NRXN1: variants seen among roughly 807,000 people sequenced by gnomAD.
The protein encoded by NRXN1 is neurexin-1.
NRXN1 carries 39 observed loss-of-function variants against 150.9 expected under a neutral mutation model. That is an observed-to-expected ratio of 0.26 (90% CI 0.20 to 0.34). The LOEUF is 0.34. Ranked by LOEUF, NRXN1 falls within the 10% of genes least tolerant of loss-of-function variation. The pLI is 1.00. For missense variants in NRXN1, 1,815 were observed against 1,949.9 expected, an observed-to-expected ratio of 0.93 and a Z score of 1.30; for synonymous variants, 924 against 757.0, an observed-to-expected ratio of 1.22 and a Z score of -3.62.
intron 17 of NRXN1, among the ~76,000 whole-genome samples, chr2:50,253,345 T>A (rs139355030): frequency 9.9e-5 from 15 of 152,194 alleles, no homozygotes; most frequent in Non-Finnish European, 2.1e-4. Flanking sequence ...TATAGGATCA[T>A]GTCGTCTGCA....
chr2:50,783,516 T>TTTG (rs761945943), intron 5 of NRXN1, among the ~76,000 whole-genome samples: 11 of 152,064 alleles, frequency 7.2e-5, no homozygotes, highest in Non-Finnish European at 1.5e-4. Flanking sequence ...TTCTTTTTAT[T>TTTG]TTGTCCTGGA....
At position 50,106,241 on chromosome 2, in the gene NRXN1, T is replaced by C. The variant is rs115157323; in HGVS notation, c.3547-14747A>G. Among the ~76,000 whole-genome samples the C allele has an allele frequency of 2.7e-3, 408 of 152,054 alleles. 2 individuals are homozygous for C. The highest frequency in any genetic ancestry group is 4.6e-3 in the Non-Finnish European group (309 of 67,866). The stretch of plus-strand genomic sequence containing the variant: ...TTCTTTCTCCCCAAGCTTATAAGCA[T>C]TGGTCTAGCATTTAATGATAACTTT... On this transcript the variant is annotated intron_variant, in intron 18 of 22. Coordinates refer to ENST00000401669, the MANE Select transcript of NRXN1 (RefSeq NM_001330078.2).
chr2:50,179,597 A>G (rs1303862654), intron 18 of NRXN1, among the ~76,000 whole-genome samples: 1 of 152,160 alleles, frequency 6.6e-6, no homozygotes, highest in Non-Finnish European at 1.5e-5. Flanking sequence ...GGAGAACAGG[A>G]GCTTTTGTGA....
At chr2:50,578,134 T>C (rs1301089945) in intron 8 of NRXN1, among the ~76,000 whole-genome samples, 1 of 152,192 alleles carries the variant, frequency 6.6e-6, no homozygotes, top group Non-Finnish European at 1.5e-5. Context: ...ACAACGGCCC[T>C]GAAAATCTTC....
intron 17 of NRXN1, among the ~76,000 whole-genome samples, chr2:50,373,431 G>T (rs1007818893): frequency 1.3e-5 from 2 of 149,524 alleles, no homozygotes; most frequent in African/African-American, 4.9e-5. Flanking sequence ...ATCTCTAATT[G>T]AACTCTTCTG....
intron 21 of NRXN1, among the ~76,000 whole-genome samples, chr2:49,950,007 C>T (rs1008725450): frequency 1.3e-5 from 2 of 151,460 alleles, no homozygotes; most frequent in African/African-American, 4.8e-5. Flanking sequence ...AAAATTTTAA[C>T]AGGATTCAGG....
At chr2:50,790,864 G>C (rs914046423) in intron 5 of NRXN1, among the ~76,000 whole-genome samples, 1 of 152,042 alleles carries the variant, frequency 6.6e-6, no homozygotes, top group Non-Finnish European at 1.5e-5. Context: ...TATTTTGACC[G>C]CAACTCATCA....
At chr2:50,403,639 T>C (rs2082544018) in intron 17 of NRXN1, among the ~76,000 whole-genome samples, 2 of 152,250 alleles carry the variant, frequency 1.3e-5, no homozygotes, top group East Asian at 3.9e-4. Flanking sequence ...GAGACGATAA[T>C]AAGATGACTT....
chr2:50,856,157 C>T (rs1675245160), intron 5 of NRXN1, among the ~76,000 whole-genome samples: 1 of 151,828 alleles, frequency 6.6e-6, no homozygotes, highest in East Asian at 1.9e-4. Flanking sequence ...TAATAAACTT[C>T]AACCATACTT....
chr2:50,017,324 T>C (rs1378562983), intron 21 of NRXN1, among the ~76,000 whole-genome samples: 3 of 152,156 alleles, frequency 2.0e-5, no homozygotes, highest in African/African-American at 7.2e-5. Flanking sequence ...ATTGTCAAAA[T>C]ATTTTTGAAA....
At chr2:50,224,698 AGAGAG>A (rs1559125148) in intron 18 of NRXN1, among the ~76,000 whole-genome samples, 3,854 of 60,582 alleles carry the variant, frequency 0.064, 148 homozygotes, top group African/African-American at 0.21. Context: ...GGAGAAAGAG[AGAGAG>A]AGAGAGAGAG....
At chr2:50,827,781 CTTGAGAT>C (rs1670678688) in intron 5 of NRXN1, among the ~76,000 whole-genome samples, 1 of 150,856 alleles carries the variant, frequency 6.6e-6, no homozygotes, top group Non-Finnish European at 1.5e-5. Context: ...TCCCTGGGTA[CTTGAGAT>C]TAGGGAGTGG....
rs1334265978 is a variant in NRXN1, at chr2:50,936,400, C to A, written c.773-10445G>T. Among the ~76,000 whole-genome samples the A allele has an allele frequency of 2.0e-5, 3 of 152,102 alleles. No individual in the cohort carries two copies. In the East Asian group the frequency reaches 5.8e-4, roughly 29 times the overall value. ...TTATATCTTGTACTACTAGAGAAAA[C>A]ACACTTTTACATAAAATAATAAATG... is the stretch of plus-strand genomic sequence containing the variant. On this transcript the variant is annotated intron_variant, in intron 2 of 22. Coordinates refer to ENST00000401669, the MANE Select transcript of NRXN1 (RefSeq NM_001330078.2).
chr2:50,171,495 AG>A lies in NRXN1; in HGVS notation c.3546+65293del, dbSNP rs1377405436. On this transcript the variant is annotated intron_variant, in intron 18 of 22. Transcript: ENST00000401669. ...TTGGAAATATATGCGCTATCATCAA[AG>A]GATTTTGATTACAGGAGACATAGTT... 3.9e-5 allele frequency among the ~76,000 whole-genome samples: 6 copies of A among 152,240 alleles called. No individual in the cohort carries two copies. The East Asian group carries it at 9.6e-4, about 24-fold the overall frequency.
At chr2:50,539,369 A>T (rs929716572) in intron 9 of NRXN1, among the ~76,000 whole-genome samples, 1 of 152,242 alleles carries the variant, frequency 6.6e-6, no homozygotes, top group African/African-American at 2.4e-5. Flanking sequence ...TATTTATTTA[A>T]ATTAACAAGG....
chr2:50,669,350 G>C (rs72837016), intron 5 of NRXN1, among the ~76,000 whole-genome samples: 13,682 of 151,896 alleles, frequency 0.09, 678 homozygotes, highest in Middle Eastern at 0.13. Context: ...AGAGGTTTTG[G>C]AGTAGAATAT....
At chr2:50,484,886 G>C (rs2090752904) in intron 15 of NRXN1, among the ~76,000 whole-genome samples, 1 of 152,184 alleles carries the variant, frequency 6.6e-6, no homozygotes, top group Admixed American at 6.5e-5. Context: ...GGAATAGAAA[G>C]TGTTTTATTT....
chr2:50,418,777 T>A (rs1312877315), intron 17 of NRXN1, among the ~76,000 whole-genome samples: 1 of 152,040 alleles, frequency 6.6e-6, no homozygotes. Flanking sequence ...AAAATATGCA[T>A]ATATTTTTAA....
chr2:50,559,909 T>C (rs898181159), intron 8 of NRXN1, among the ~76,000 whole-genome samples: 1 of 152,202 alleles, frequency 6.6e-6, no homozygotes, highest in Non-Finnish European at 1.5e-5. Context: ...AAAAATGTTT[T>C]GGCCCAAAAG....
Sources: allele counts gnomAD v4.1 joint callset (sites outside exome capture counted in the v4.1 genomes callset), GRCh38; gene constraint gnomAD v4.1.1; transcripts MANE v1.5; gene names NCBI Gene and HGNC (gene_info 2026-07-23, HGNC 2026-07-21).